C10orf90: variants seen among roughly 807,000 people sequenced by gnomAD.
C10orf90 encodes (E2-independent) E3 ubiquitin-conjugating enzyme FATS.
In C10orf90, 56 loss-of-function variants were observed where a neutral mutation model predicts 62.5. The ratio of observed to expected loss-of-function variants is 0.90; its 90% CI spans 0.72 to 1.12. The LOEUF is 1.12. C10orf90 is among the 50% of genes most tolerant of loss of function. The pLI, the probability that C10orf90 is intolerant of heterozygous loss-of-function variation, is 0.00. For missense variants in C10orf90, 970 were observed against 880.4 expected (o/e 1.10, Z -1.29); for synonymous variants, 386 against 340.4 (o/e 1.13, Z -1.47).
rs1308274558 is a variant in C10orf90 at position 126,425,843 on chromosome 10, G to T, written c.*21C>A. 1.9e-6 allele frequency: 3 copies of T among 1,612,602 alleles called. No homozygotes were observed. In the African/African-American group the frequency reaches 4.0e-5, roughly 22 times the overall value. The stretch of plus-strand genomic sequence containing the variant: ...AAGTCCTCCCAGGTCCAGGTAGTGT[G>T]GTCAGCAGGGCAGCCTGTGGTTAGA... On this transcript the variant is annotated 3_prime_UTR_variant, in exon 10 of 10. Coordinates refer to ENST00000488181, the MANE Select transcript of C10orf90 (RefSeq NM_001350921.2).
At chr10:126,626,227 G>A (rs1179792085) in intron 2 of C10orf90, among the ~76,000 whole-genome samples, 2 of 151,834 alleles carry the variant, frequency 1.3e-5, no homozygotes, top group African/African-American at 4.8e-5. Flanking sequence ...ATCACAGAAG[G>A]CCCCAGGGAA....
intron 2 of C10orf90, among the ~76,000 whole-genome samples, chr10:126,605,905 A>ATACC (rs1845300547): frequency 6.6e-6 from 1 of 152,050 alleles, no homozygotes; most frequent in African/African-American, 2.4e-5. Context: ...ACATACATAC[A>ATACC]TACATACATT....
chr10:126,564,998 A>ATATAATATATATAATATATATTATATAT (rs1844295100), intron 2 of C10orf90, among the ~76,000 whole-genome samples: 1 of 7,950 alleles, frequency 1.3e-4, no homozygotes, highest in Admixed American at 3.0e-3. Context: ...AATATATATT[A>ATATAATATATATAATATATATTATATAT]TATATAATAT....
At chr10:126,450,027 C>T (rs1300580237) in intron 7 of C10orf90, among the ~76,000 whole-genome samples, 2 of 149,480 alleles carry the variant, frequency 1.3e-5, no homozygotes, top group Admixed American at 6.7e-5. Context: ...CATTTCTGTA[C>T]ACACACAATG....
rs78267894 is a variant in C10orf90, at chr10:126,504,384, G to T, written c.1107C>A (p.Ser369=). 13 of 1,614,164 alleles carry T rather than the reference G, an allele frequency of 8.1e-6. No individual in the cohort carries two copies. In the African/African-American group the frequency reaches 1.7e-4, roughly 22 times the overall value. ...DSIYYVDKSL[S]VPIEPPQIAS... ...CAATTTGAGGTGGCTCAATGGGGAC[G>T]GAGAGAGACTTGTCTACGTAATAGA... The change falls in exon 4 of 10, where the codon TCC becomes TCA. Residue 369 remains serine, a synonymous_variant. Coordinates refer to ENST00000488181, the MANE Select transcript of C10orf90 (RefSeq NM_001350921.2). The surrounding 1 kb of genome is among the most constrained non-coding windows in gnomAD (Gnocchi z 4.1).
intron 1 of C10orf90, among the ~76,000 whole-genome samples, chr10:126,656,420 C>T (rs1846395550): frequency 6.6e-6 from 1 of 152,152 alleles, no homozygotes; most frequent in African/African-American, 2.4e-5. Flanking sequence ...GCAATTGACA[C>T]TGAGGCAGCT....
At chr10:126,583,123 T>C (rs1385006967) in intron 2 of C10orf90, among the ~76,000 whole-genome samples, 2 of 152,194 alleles carry the variant, frequency 1.3e-5, no homozygotes, top group African/African-American at 4.8e-5. Context: ...TCCAGATATT[T>C]TTGTCACATG....
At chr10:126,459,296 A>G in intron 6 of C10orf90, 79 bp from the exon 7 acceptor site, 1 of 1,538,768 alleles carries the variant, frequency 6.5e-7, no homozygotes, top group Non-Finnish European at 8.9e-7. Context: ...TGCAGCCAAG[A>G]AGCCGATGGC....
chr10:126,650,410 G>A (rs1351488247), intron 1 of C10orf90, among the ~76,000 whole-genome samples: 2 of 152,178 alleles, frequency 1.3e-5, no homozygotes, highest in Non-Finnish European at 2.9e-5. Flanking sequence ...CACGTGAGGA[G>A]CTATCATTGA....
intron 2 of C10orf90, among the ~76,000 whole-genome samples, chr10:126,597,871 C>T (rs1845117535): frequency 6.6e-6 from 1 of 152,128 alleles, no homozygotes; most frequent in South Asian, 2.1e-4. Context: ...TGAGCCATTG[C>T]TACAAATATG....
intron 3 of C10orf90, among the ~76,000 whole-genome samples, chr10:126,506,741 G>A (rs1251318744): frequency 6.6e-6 from 1 of 152,242 alleles, no homozygotes; most frequent in Non-Finnish European, 1.5e-5. Context: ...ACATTTTGGA[G>A]AGGAAGGGCC....
intron 6 of C10orf90, among the ~76,000 whole-genome samples, chr10:126,460,474 G>A (rs1430502952): frequency 6.6e-6 from 1 of 152,252 alleles, no homozygotes; most frequent in East Asian, 1.9e-4. Context: ...TGTGTCCCTG[G>A]CAGCTACACT....
chr10:126,568,748 C>T (rs1445950164), intron 2 of C10orf90, among the ~76,000 whole-genome samples: 1 of 152,122 alleles, frequency 6.6e-6, no homozygotes, highest in Admixed American at 6.5e-5. Context: ...TTAGGAGGCT[C>T]AGAGTGGGGA....
rs752025882 is a variant in C10orf90 at position 126,426,005 on chromosome 10, C to T, written c.2338G>A (p.Glu780Lys). The change falls in exon 9 of 10, where the codon GAA becomes AAA. Residue 780 changes from glutamate to lysine, a missense_variant. Transcript: ENST00000488181. ...VILQSNRLRA[E>K]VFKKQLLDQL... ...GAGGCCATTACCTTTTTGAAGACTT[C>T]GGCACGGAGTCTGTTACTTTGTAAG... is the stretch of plus-strand genomic sequence containing the variant. 124 of 1,614,042 alleles carry T rather than the reference C, an allele frequency of 7.7e-5. No homozygotes were observed. The highest frequency in any genetic ancestry group is 1.2e-4 in the African/African-American group (9 of 74,936).
chr10:126,628,964 C>A (rs1334890637), intron 2 of C10orf90, among the ~76,000 whole-genome samples: 1 of 152,210 alleles, frequency 6.6e-6, no homozygotes, highest in Non-Finnish European at 1.5e-5. Flanking sequence ...CCCCGTGGCA[C>A]ACCCTGGCCT....
In C10orf90 at chr10:126,459,059, C is replaced by A. The variant is rs200212611; in HGVS notation, c.2169G>T (p.Thr723=). Residue 723 remains threonine (T), a synonymous_variant, in exon 7 of 10, where the codon ACG becomes ACT. Coordinates refer to ENST00000488181, the MANE Select transcript of C10orf90 (RefSeq NM_001350921.2). ...GCTTACCACTCAGAGGATGGGGAAT[C>A]GTGAACTGCTTCTTGCTGGTGCGGA... The part of the protein sequence containing the change: ...LPIRTSKKQF[T]IPHPLSDNLF... 2.1e-5 allele frequency: 34 copies of A among 1,612,880 alleles called. No homozygotes were observed. The highest frequency in any genetic ancestry group is 2.5e-5 in the Non-Finnish European group (30 of 1,179,936).
At position 126,480,723 on chromosome 10, in the gene C10orf90, A is replaced by G. The variant is rs141843213; in HGVS notation, c.1535-15737T>C. 1.1e-3 allele frequency among the ~76,000 whole-genome samples: 171 copies of G among 152,290 alleles called. 5 individuals are homozygous for G. In the East Asian group the frequency reaches 0.029, roughly 26 times the overall value. ...GCATTAAGTCAACCCCTGCTTCCCT[A>G]TGTTCTGCATGGAATCCATATGCAA... On this transcript the variant is annotated intron_variant, in intron 4 of 9. Transcript: ENST00000488181.
chr10:126,506,945 C>T (rs1444211072), intron 3 of C10orf90, among the ~76,000 whole-genome samples: 11 of 139,136 alleles, frequency 7.9e-5, no homozygotes, highest in Non-Finnish European at 1.4e-4. Flanking sequence ...TGTGTGTGTG[C>T]GTGCGTGTGT....
At chr10:126,477,121 A>ATTTTTTTTTTTTTTT (rs1860931042) in intron 4 of C10orf90, among the ~76,000 whole-genome samples, 4 of 37,650 alleles carry the variant, frequency 1.1e-4, no homozygotes, top group Non-Finnish European at 2.0e-4. Flanking sequence ...TTTTTTTTGG[A>ATTTTTTTTTTTTTTT]TTTTTGGAGC....
Sources: allele counts gnomAD v4.1 joint callset (sites outside exome capture counted in the v4.1 genomes callset), GRCh38; gene constraint gnomAD v4.1.1; non-coding constraint Gnocchi (gnomAD v3.1); transcripts MANE v1.5; gene names NCBI Gene and HGNC (gene_info 2026-07-23, HGNC 2026-07-21).